Variants in VPS13B observed in about 807,000 individuals in gnomAD.
VPS13B encodes intermembrane lipid transfer protein VPS13B.
VPS13B carries 285 observed loss-of-function variants against 426.4 expected under a neutral mutation model. The ratio of observed to expected loss-of-function variants is 0.67; its 90% CI spans 0.61 to 0.74. The LOEUF (loss-of-function observed/expected upper bound fraction) is 0.74. Among genes scored for constraint, VPS13B ranks in the 30% least tolerant of loss-of-function variants. The pLI is 0.00. For missense variants in VPS13B, 4,537 were observed against 4,782.6 expected (o/e 0.95, Z 1.51); for synonymous variants, 1,676 against 1,676.4 (o/e 1.00, Z 0.01).
At chr8:99,486,146 G>C (rs1820295248) in intron 25 of VPS13B, among the ~76,000 whole-genome samples, 1 of 151,994 alleles carries the variant, frequency 6.6e-6, no homozygotes, top group African/African-American at 2.4e-5. Context: ...GCAGTTTTTA[G>C]GTTTCTTTAT....
At chr8:99,649,181 G>A (rs967208721) in intron 34 of VPS13B, among the ~76,000 whole-genome samples, 2 of 152,012 alleles carry the variant, frequency 1.3e-5, no homozygotes, top group African/African-American at 4.8e-5. Flanking sequence ...GTTGATTATT[G>A]TGTGTCTGGA....
At chr8:99,349,711 C>T (rs1379458728) in intron 19 of VPS13B, among the ~76,000 whole-genome samples, 1 of 152,022 alleles carries the variant, frequency 6.6e-6, no homozygotes, top group Non-Finnish European at 1.5e-5. Flanking sequence ...TTTCTATAAT[C>T]GTTGAAAAAA....
In VPS13B at chr8:99,859,362, C is replaced by T. The variant is rs753373848; in HGVS notation, c.10926C>T (p.Ile3642=). 14 of 1,614,062 alleles carry T rather than the reference C, an allele frequency of 8.7e-6. No homozygotes were observed. The highest frequency in any genetic ancestry group is 1.2e-5 in the Non-Finnish European group (14 of 1,180,000). The change falls in exon 57 of 62, where the codon ATC becomes ATT. Residue 3642 remains isoleucine, a synonymous_variant. Transcript: ENST00000357162. The stretch of plus-strand genomic sequence containing the variant: ...GCCCTGCAAGCCTGGTGAGAAGCAT[C>T]GGGAACGGGGTCGCCGACTTCTTCA... ...LGSPASLVRS[I]GNGVADFFRL...
intron 36 of VPS13B, among the ~76,000 whole-genome samples, chr8:99,711,433 A>G (rs988393689): frequency 6.6e-6 from 1 of 152,216 alleles, no homozygotes; most frequent in Non-Finnish European, 1.5e-5. Context: ...TTAGCATCTT[A>G]TTAAATTCTC....
At chr8:99,215,357 TAA>T (rs1312549513) in intron 17 of VPS13B, among the ~76,000 whole-genome samples, 1 of 152,216 alleles carries the variant, frequency 6.6e-6, no homozygotes, top group Admixed American at 6.5e-5. Flanking sequence ...TACTGTGATT[TAA>T]GTTATGTGTG....
At chr8:99,712,606 G>T (rs1234730069) in intron 36 of VPS13B, among the ~76,000 whole-genome samples, 1 of 152,014 alleles carries the variant, frequency 6.6e-6, no homozygotes, top group Non-Finnish European at 1.5e-5. Flanking sequence ...GCTCACCTAA[G>T]TCTGGCCGAC....
intron 60 of VPS13B, 28 bp downstream of exon 60, chr8:99,870,915 T>C: frequency 6.2e-7 from 1 of 1,601,360 alleles, no homozygotes; most frequent in Non-Finnish European, 8.6e-7. Context: ...CGTGCTCAAC[T>C]TTACATCCAT....
intron 17 of VPS13B, among the ~76,000 whole-genome samples, chr8:99,208,247 C>T (rs1444190030): frequency 2.0e-5 from 3 of 152,108 alleles, no homozygotes; most frequent in Non-Finnish European, 4.4e-5. Flanking sequence ...GGGATCCATC[C>T]TCATGACCCA....
At chr8:99,784,193 G>C (rs1476927060) in intron 42 of VPS13B, 122 bp from the exon 43 acceptor site, 16 of 1,220,492 alleles carry the variant, frequency 1.3e-5, no homozygotes, top group Non-Finnish European at 1.8e-5. Context: ...TTGTATACCA[G>C]AGCTAATGAC....
intron 19 of VPS13B, among the ~76,000 whole-genome samples, chr8:99,290,741 C>T (rs1286310676): frequency 6.6e-6 from 1 of 151,820 alleles, no homozygotes; most frequent in African/African-American, 2.4e-5. Flanking sequence ...AATCCTTAAC[C>T]CAGTCTTTCT....
In VPS13B at chr8:99,115,768, A is replaced by G; in HGVS notation, c.831A>G (p.Ile277Met). 6.2e-7 allele frequency: 1 copy of G among 1,613,724 alleles called. No individual in the cohort carries two copies. Among genetic ancestry groups the G allele is most frequent in the South Asian group, 1.1e-5 (1 of 91,010 alleles). ...TDQQLPMFIR[I>M]MQLGIALYYG... The stretch of plus-strand genomic sequence containing the variant: ...AACAACTGCCTATGTTTATTCGTAT[A>G]ATGCAACTTGGAATTGCTCTTTACT... The change falls in exon 7 of 62, where the codon ATA (isoleucine) becomes ATG (methionine). Residue 277 changes from isoleucine (I) to methionine (M), a missense_variant. Around this residue, in one of 2 missense-constraint regions of VPS13B, gnomAD observed 4,311 missense variants for 4,474.3 expected, o/e 0.96. Transcript: ENST00000357162.
At chr8:99,530,002 C>T (rs1822846643) in intron 30 of VPS13B, among the ~76,000 whole-genome samples, 2 of 152,096 alleles carry the variant, frequency 1.3e-5, no homozygotes. Flanking sequence ...TTCTGTGGCT[C>T]TTGTTTATGT....
chr8:99,455,462 A>G (rs960389559), intron 23 of VPS13B, among the ~76,000 whole-genome samples: 2 of 152,116 alleles, frequency 1.3e-5, no homozygotes, highest in African/African-American at 4.8e-5. Flanking sequence ...AGAGGAAGAG[A>G]GGGAGGGTTG....
At chr8:99,441,125 A>G (rs1052656829) in intron 22 of VPS13B, among the ~76,000 whole-genome samples, 6 of 152,104 alleles carry the variant, frequency 3.9e-5, no homozygotes, top group African/African-American at 1.4e-4. Flanking sequence ...TTTAGAACTA[A>G]AATGAGCTCA....
At chr8:99,510,045 C>T (rs1821703041) in intron 28 of VPS13B, among the ~76,000 whole-genome samples, 1 of 151,988 alleles carries the variant, frequency 6.6e-6, no homozygotes, top group Non-Finnish European at 1.5e-5. Context: ...TATATGTGTA[C>T]TAATATAGTA....
intron 2 of VPS13B, among the ~76,000 whole-genome samples, chr8:99,027,708 T>A (rs1272983322): frequency 6.6e-6 from 1 of 152,112 alleles, no homozygotes; most frequent in Non-Finnish European, 1.5e-5. Context: ...TGCTGAGAAA[T>A]CTGCTGTTAG....
chr8:99,507,794 G>C (rs771995053), intron 28 of VPS13B: 2 of 1,613,960 alleles, frequency 1.2e-6, no homozygotes, highest in South Asian at 2.2e-5. Context: ...GTTGGTCTTT[G>C]GGGCAATGTG....
rs369018217 is a variant in VPS13B, at chr8:99,458,654, C to T, written c.3446-8760C>T. ...TATCTCATTGTGGTTTTGATTTGCA[C>T]TTCTCTGATGGCCAGTGATGATGAG... On this transcript the variant is annotated intron_variant, in intron 23 of 61. Coordinates refer to ENST00000357162, the MANE Select transcript of VPS13B (RefSeq NM_152564.5). Among the ~76,000 whole-genome samples the T allele has an allele frequency of 9.2e-5, 14 of 152,046 alleles. No homozygotes were observed. In the South Asian group the frequency reaches 1.7e-3, roughly 18 times the overall value.
chr8:99,852,407 G>T (rs1453829835), intron 55 of VPS13B, among the ~76,000 whole-genome samples: 1 of 152,192 alleles, frequency 6.6e-6, no homozygotes, highest in Non-Finnish European at 1.5e-5. Context: ...GAAGATGGGG[G>T]TGAGAAGAGG....
Sources: gnomAD v4.1 joint callset for allele counts (sites outside exome capture counted in the v4.1 genomes callset) on GRCh38, gnomAD v4.1.1 for gene constraint, gnomAD v4.1.1 regional missense constraint, MANE v1.5 for transcripts, NCBI Gene and HGNC (gene_info 2026-07-23, HGNC 2026-07-21) for gene names.